Variants in WEE1 observed in about 807,000 individuals in gnomAD.
The protein encoded by WEE1 is WEE1 G2 checkpoint kinase.
In WEE1, 16 loss-of-function variants were observed where a neutral mutation model predicts 68.8. The observed-to-expected ratio is 0.23, with a 90% CI of 0.16 to 0.35. The LOEUF (loss-of-function observed/expected upper bound fraction) is 0.35, where lower values mean the gene tolerates loss of function less well. Ranked by LOEUF, WEE1 falls within the 10% of genes least tolerant of loss-of-function variation. WEE1 has a pLI of 1.00. For missense variants in WEE1, 651 were observed against 824.1 expected (o/e 0.79, Z 2.57); for synonymous variants, 349 against 318.7 (o/e 1.09, Z -1.01).
At position 9,585,341 on chromosome 11, in the gene WEE1, A is replaced by C. The variant is rs34883479; in HGVS notation, c.1372A>C (p.Met458Leu). The change falls in exon 7 of 11, where the codon ATG becomes CTG. Residue 458 changes from methionine (M) to leucine (L), a missense_variant. Physicochemically the swap from Met to Leu is conservative, Grantham distance 15. Coordinates refer to ENST00000450114, the MANE Select transcript of WEE1 (RefSeq NM_003390.4). ...AGATGATTGGGCATCCAACAAAGTT[A>C]TGTTTAAAATAGGTAAGAAAGGTAA... ...DEDDWASNKV[M>L]FKIGDLGHVT... 2,177 of 1,613,890 alleles carry C rather than the reference A, an allele frequency of 1.3e-3. 24 individuals carry two copies. The African/African-American group carries it at 0.026, about 19-fold the overall frequency.
In WEE1 at chr11:9,589,232, T is replaced by C. The variant is rs1565091966; in HGVS notation, c.*630T>C. ...ATAGGTCTTCTTTTTGAAACAATTA[T>C]GTGAAATGTATAGCTGCTTTTGATG... On this transcript the variant is annotated 3_prime_UTR_variant, in exon 11 of 11. Coordinates refer to ENST00000450114, the MANE Select transcript of WEE1 (RefSeq NM_003390.4). 2.0e-6 allele frequency: 2 copies of C among 985,716 alleles called. No homozygotes were observed. The highest frequency in any genetic ancestry group is 2.4e-6 in the Non-Finnish European group (2 of 829,854). The allele number at this position is 985,716 out of a possible 1,614,324, so 61.1% of individuals were successfully genotyped here. A position where few individuals can be genotyped will look rare whatever the true frequency, so the allele number is the denominator to read the frequency against.
In WEE1 at chr11:9,574,569, C is replaced by T; in HGVS notation, c.576+60C>T. 1 of 1,158,968 alleles carries T rather than the reference C, an allele frequency of 8.6e-7. No individual in the cohort carries two copies. Among genetic ancestry groups the T allele is most frequent in the Non-Finnish European group, 1.1e-6 (1 of 943,066 alleles). The allele number at this position is 1,158,968 out of a possible 1,614,324, so 71.8% of individuals were successfully genotyped here. On this transcript the variant is annotated intron_variant, in intron 1 of 10. Coordinates refer to ENST00000450114, the MANE Select transcript of WEE1 (RefSeq NM_003390.4). This position sits in a 1 kb window ranked among gnomAD's most constrained non-coding sequence, Gnocchi z 4.9. ...GGCCGCGGCGCCGGAGGGGCCAGCG[C>T]CGCTGCCTGGGTTCGGTTACAGAAG...
chr11:9,581,478 A>G, intron 5 of WEE1, 54 bp from the exon 6 acceptor site: 4 of 1,527,782 alleles, frequency 2.6e-6, no homozygotes, highest in Non-Finnish European at 3.5e-6. Context: ...TAAAGATGGA[A>G]GAAAGAAAAT....
In WEE1 at chr11:9,589,336, C is replaced by T. The variant is rs1013277494; in HGVS notation, c.*734C>T. ...ATTGGAAAAATGCACCCTTTCCCTCCTTTGGAATGCTGTATTAATGTAGTA... is the reference window on the plus strand; with the variant it reads ...ATTGGAAAAATGCACCCTTTCCCTCTTTTGGAATGCTGTATTAATGTAGTA... On this transcript the variant is annotated 3_prime_UTR_variant, in exon 11 of 11. Coordinates refer to ENST00000450114, the MANE Select transcript of WEE1 (RefSeq NM_003390.4). 12 of 984,618 alleles carry T rather than the reference C, an allele frequency of 1.2e-5. No homozygotes were observed. In the African/African-American group the frequency reaches 1.9e-4, roughly 16 times the overall value. The allele number at this position is 984,618 out of a possible 1,614,324, so 61.0% of individuals were successfully genotyped here.
Position 9,585,436 on chromosome 11 carries a change from T to A in WEE1, c.1385-6T>A, listed in dbSNP as rs778206244. The A allele has an allele frequency of 1.2e-6, 2 of 1,608,468 alleles. No individual in the cohort carries two copies. The highest frequency in any genetic ancestry group is 2.2e-5 in the South Asian group (2 of 89,574). On this transcript the variant is annotated splice_region_variant and splice_polypyrimidine_tract_variant and intron_variant, in intron 7 of 10. Coordinates refer to ENST00000450114, the MANE Select transcript of WEE1 (RefSeq NM_003390.4). ...CTCTTCACTGTAAGTTTTTCAATAC[T>A]TCTAGGTGATCTTGGGCATGTAACA...
chr11:9,579,902 G>C (rs1849606275), intron 5 of WEE1: 1 of 151,976 alleles, frequency 6.6e-6, no homozygotes, highest in African/African-American at 2.4e-5. Context: ...ATACATCATT[G>C]ACCTTCCTAA....
At position 9,574,341 on chromosome 11, in the gene WEE1, C is replaced by G; in HGVS notation, c.408C>G (p.Ser136Arg). ...KSPAAPYFLG[S>R]SFSPVRCGGP... The stretch of plus-strand genomic sequence containing the variant: ...CGGCGGCCCCCTACTTCCTGGGTAG[C>G]TCTTTCTCGCCGGTGCGCTGCGGCG... Residue 136 changes from serine (S) to arginine (R), a missense_variant, in exon 1 of 11, where the codon AGC (serine) becomes AGG (arginine). Physicochemically the swap from Ser to Arg is moderately radical, Grantham distance 110 (BLOSUM62 -1). Coordinates refer to ENST00000450114, the MANE Select transcript of WEE1 (RefSeq NM_003390.4). This position sits in a 1 kb window ranked among gnomAD's most constrained non-coding sequence, Gnocchi z 4.9. 1 of 1,265,300 alleles carries G rather than the reference C, an allele frequency of 7.9e-7. No individual in the cohort carries two copies. Among genetic ancestry groups the G allele is most frequent in the Non-Finnish European group, 9.9e-7 (1 of 1,005,038 alleles). 78.4% of individuals were successfully genotyped at this position (1,265,300 alleles called of 1,614,324 possible).
chr11:9,589,560 C>T lies in WEE1; in HGVS notation c.*958C>T. On this transcript the variant is annotated 3_prime_UTR_variant, in exon 11 of 11. Transcript: ENST00000450114. The stretch of plus-strand genomic sequence containing the variant: ...GCTGTTTGAAATGCCAGAATGACTT[C>T]TGACATTCCAAGTTTTTCACAAAAT... 20 of 985,718 alleles carry T rather than the reference C, an allele frequency of 2.0e-5. No homozygotes were observed. Among genetic ancestry groups the T allele is most frequent in the Non-Finnish European group, 2.4e-5 (20 of 829,912 alleles). 61.1% of individuals were successfully genotyped at this position (985,718 alleles called of 1,614,324 possible).
chr11:9,575,907 G>A lies in WEE1; in HGVS notation c.596G>A (p.Arg199Gln), dbSNP rs779402741. The change falls in exon 2 of 11, where the codon CGG (arginine) becomes CAG (glutamine). Residue 199 changes from arginine to glutamine, a missense_variant. Arg to Gln is a conservative substitution (Grantham distance 43). Transcript: ENST00000450114. Reference sequence around the variant, plus strand: ...CCCTAGAGTTTGCTCTCCAAAGCTCGGGGAATTGATTCCAGCTCTGTTAAA... The same window carrying A: ...CCCTAGAGTTTGCTCTCCAAAGCTCAGGGAATTGATTCCAGCTCTGTTAAA... ...HTPKSLLSKA[R>Q]GIDSSSVKLR... 4.3e-6 allele frequency: 7 copies of A among 1,613,904 alleles called. No homozygotes were observed. The highest frequency in any genetic ancestry group is 2.2e-5 in the South Asian group (2 of 91,080).
At chr11:9,575,668 A>G (rs1370324086) in intron 1 of WEE1, 3 of 566,230 alleles carry the variant, frequency 5.3e-6, no homozygotes, top group Admixed American at 3.2e-5. Flanking sequence ...GGTTAGAGGC[A>G]GATTTTACTT....
At chr11:9,583,054 G>T (rs372682131) in intron 6 of WEE1, among the ~76,000 whole-genome samples, 2 of 152,022 alleles carry the variant, frequency 1.3e-5, no homozygotes, top group Non-Finnish European at 2.9e-5. Flanking sequence ...AGTGGCTGAC[G>T]CCTGTAATCC....
At chr11:9,575,213 A>G in intron 1 of WEE1, 1 of 985,552 alleles carries the variant, frequency 1.0e-6, no homozygotes, top group Non-Finnish European at 1.2e-6. Context: ...TACCGTAGAT[A>G]AGGTATCTTA....
chr11:9,585,746 C>T (rs1312809139), intron 8 of WEE1, among the ~76,000 whole-genome samples: 2 of 152,186 alleles, frequency 1.3e-5, no homozygotes, highest in Non-Finnish European at 1.5e-5. Flanking sequence ...ACTGGTGGAA[C>T]TTTATAATGG....
chr11:9,574,353 G>C lies in WEE1; in HGVS notation c.420G>C (p.Pro140=). 1 of 1,247,686 alleles carries C rather than the reference G, an allele frequency of 8.0e-7. No homozygotes were observed. Among genetic ancestry groups the C allele is most frequent in the Non-Finnish European group, 1.0e-6 (1 of 996,698 alleles). The allele number at this position is 1,247,686 out of a possible 1,614,324, so 77.3% of individuals were successfully genotyped here. A position where few individuals can be genotyped will look rare whatever the true frequency, so the allele number is the denominator to read the frequency against. The change falls in exon 1 of 11, where the codon CCG becomes CCC. Residue 140 remains proline (P), a synonymous_variant. Coordinates refer to ENST00000450114, the MANE Select transcript of WEE1 (RefSeq NM_003390.4). The surrounding 1 kb of genome is among the most constrained non-coding windows in gnomAD (Gnocchi z 4.9). ...APYFLGSSFS[P]VRCGGPGDAS... is the part of the protein sequence containing the mutation. ...ACTTCCTGGGTAGCTCTTTCTCGCC[G>C]GTGCGCTGCGGCGGCCCAGGAGATG... is the stretch of plus-strand genomic sequence containing the variant.
intron 6 of WEE1, among the ~76,000 whole-genome samples, chr11:9,583,755 GCGCGCGCACACACACACACACACACA>G (rs1477176003): frequency 1.0e-3 from 9 of 8,734 alleles, no homozygotes; most frequent in Admixed American, 6.5e-3. Context: ...GTGCGTGCAC[GCGCGCGCACACACACACACACACACA>G]CACACACACA....
chr11:9,580,344 G>A (rs1849611893), intron 5 of WEE1: 1 of 151,724 alleles, frequency 6.6e-6, no homozygotes, highest in Non-Finnish European at 1.5e-5. Flanking sequence ...AAATGTACGT[G>A]AAATTACCAA....
At chr11:9,577,030 T>A in intron 4 of WEE1, 112 bp from the exon 5 acceptor site, 1 of 1,248,466 alleles carries the variant, frequency 8.0e-7, no homozygotes, top group Non-Finnish European at 1.1e-6. Context: ...AGTTGCTTTT[T>A]AGCATAACAA....
rs969672109 is a variant in WEE1, at chr11:9,575,160, G to C, written c.576+651G>C. The C allele has an allele frequency of 3.0e-6, 3 of 985,420 alleles. No individual in the cohort carries two copies. The African/African-American group carries it at 5.2e-5, about 17-fold the overall frequency. The allele number at this position is 985,420 out of a possible 1,614,324, so 61.0% of individuals were successfully genotyped here. A position where few individuals can be genotyped will look rare whatever the true frequency, so the allele number is the denominator to read the frequency against. On this transcript the variant is annotated intron_variant, in intron 1 of 10. Transcript: ENST00000450114. ...GCATTTGTTTTTATCGTGGGTTTGC[G>C]GTGCCCAGAGTTTGGCCGGCCTCCG... is the stretch of plus-strand genomic sequence containing the variant.
intron 6 of WEE1, among the ~76,000 whole-genome samples, chr11:9,583,291 C>G (rs1024492763): frequency 6.7e-6 from 1 of 149,764 alleles, no homozygotes; most frequent in African/African-American, 2.5e-5. Context: ...CCATCCTAGG[C>G]AACAAAGTGA....
Sources: gnomAD v4.1 joint callset for allele counts (sites outside exome capture counted in the v4.1 genomes callset) on GRCh38, gnomAD v4.1.1 for gene constraint, Gnocchi (gnomAD v3.1) non-coding constraint, MANE v1.5 for transcripts, NCBI Gene and HGNC (gene_info 2026-07-23, HGNC 2026-07-21) for gene names.